Variants in NLRP9 observed in about 807,000 individuals in gnomAD.
NLRP9 encodes the protein NACHT, LRR and PYD domains-containing protein 9.
A neutral mutation model predicts 83.1 loss-of-function variants in NLRP9; 88 were observed. That is an observed-to-expected ratio of 1.06 (90% CI 0.89 to 1.26). The LOEUF is 1.26. Among genes scored for constraint, NLRP9 ranks in the 50% most tolerant of loss-of-function variants. NLRP9 has a pLI of 0.00. For missense variants in NLRP9, 1,308 were observed against 1,179.3 expected (o/e 1.11, Z -1.60); for synonymous variants, 521 against 447.6 (o/e 1.16, Z -2.07).
chr19:55,738,336 C>T lies in NLRP9; in HGVS notation c.39G>A (p.Trp13Ter), dbSNP rs1418978019. The change falls in exon 1 of 9, where the codon TGG (tryptophan) becomes TGA (stop). Residue 13 changes from tryptophan to a stop codon, truncating the protein, a stop_gained. Coordinates refer to ENST00000332836, the MANE Select transcript of NLRP9 (RefSeq NM_176820.4). LOFTEE classifies it high-confidence loss of function. ...CTTCCTTTCTGAGCTCCTTCAGATA[C>T]CACAACAAGCCAAAATCCGAAAAAA... ...ESFFSDFGLLWYLKELRKEEF... is the reference protein window; with the variant it reads ...ESFFSDFGLL 6.2e-7 allele frequency: 1 copy of T among 1,613,738 alleles called. No homozygotes were observed. The highest frequency in any genetic ancestry group is 1.1e-5 in the South Asian group (1 of 91,068).
At chr19:55,716,584 G>T in intron 5 of NLRP9, 144 bp downstream of exon 5, 1 of 650,292 alleles carries the variant, frequency 1.5e-6, no homozygotes. Flanking sequence ...ATGAGCAACT[G>T]AGGCGTGGGA....
At chr19:55,716,930 C>T (rs2122294050) in intron 4 of NLRP9, 32 bp from the exon 5 acceptor site, 1 of 1,585,554 alleles carries the variant, frequency 6.3e-7, no homozygotes, top group Non-Finnish European at 8.7e-7. Context: ...TGAGACGGAC[C>T]AAAGCTTTCA....
intron 3 of NLRP9, 147 bp downstream of exon 3, chr19:55,729,684 C>T (rs750171282): frequency 2.3e-5 from 14 of 603,114 alleles, no homozygotes; most frequent in Middle Eastern, 4.5e-4. Context: ...TGAATAGTGC[C>T]GCAATAAACA....
At position 55,712,421 on chromosome 19, in the gene NLRP9, C is replaced by G; in HGVS notation, c.2671G>C (p.Gly891Arg). 1 of 1,611,426 alleles carries G rather than the reference C, an allele frequency of 6.2e-7. No homozygotes were observed. The highest frequency in any genetic ancestry group is 8.5e-7 in the Non-Finnish European group (1 of 1,178,818). Residue 891 changes from glycine to arginine, a missense_variant and splice_region_variant, in exon 7 of 9, where the codon GGG becomes CGG. Physicochemically the swap from Gly to Arg is moderately radical, Grantham distance 125. Coordinates refer to ENST00000332836, the MANE Select transcript of NLRP9 (RefSeq NM_176820.4). ...CGATGGTGATCAGTAGATACTCACC[C>G]GAGACACTCTAATTTACAGTGAGGA... is the stretch of plus-strand genomic sequence containing the variant. ...QHPHCKLECL[G>R]LQTCPITRAC...
chr19:55,734,778 G>A (rs1433206504), intron 1 of NLRP9, among the ~76,000 whole-genome samples: 1 of 151,820 alleles, frequency 6.6e-6, no homozygotes, highest in African/African-American at 2.4e-5. Flanking sequence ...GGGATTACAG[G>A]CACCTGCCAC....
chr19:55,728,712 A>G (rs1325647854), intron 3 of NLRP9, among the ~76,000 whole-genome samples: 1 of 152,228 alleles, frequency 6.6e-6, no homozygotes, highest in Admixed American at 6.5e-5. Context: ...TATGTGGGCC[A>G]ATAATTCAAC....
chr19:55,734,637 A>ATT (rs201490500), intron 1 of NLRP9, among the ~76,000 whole-genome samples: 25 of 106,992 alleles, frequency 2.3e-4, no homozygotes, highest in African/African-American at 7.0e-4. Flanking sequence ...ATATATATAT[A>ATT]TTTTTTTTTT....
intron 2 of NLRP9, among the ~76,000 whole-genome samples, chr19:55,730,383 G>C (rs1048343646): frequency 2.6e-5 from 4 of 151,338 alleles, no homozygotes; most frequent in African/African-American, 9.7e-5. Context: ...GAACCCAGGA[G>C]TACAAGACTA....
At chr19:55,719,804 A>C (rs942724032) in intron 4 of NLRP9, among the ~76,000 whole-genome samples, 1 of 152,222 alleles carries the variant, frequency 6.6e-6, no homozygotes, top group Non-Finnish European at 1.5e-5. Context: ...CAGGAAGCTC[A>C]GTGAATTTTT....
At position 55,708,933 on chromosome 19, in the gene NLRP9, C is replaced by T; in HGVS notation, c.2955G>A (p.Lys985=). The T allele has an allele frequency of 6.4e-7, 1 of 1,566,404 alleles. No individual in the cohort carries two copies. Among genetic ancestry groups the T allele is most frequent in the Non-Finnish European group, 8.6e-7 (1 of 1,162,364 alleles). The change falls in exon 9 of 9, where the codon AAG becomes AAA. Residue 985 remains lysine (K), a synonymous_variant. Coordinates refer to ENST00000332836, the MANE Select transcript of NLRP9 (RefSeq NM_176820.4). ...SHGPWIDEEY[K]IRGVLL is the part of the protein sequence containing the mutation. ...CCCATCAGAGGAGCACACCCCTGATCTTGTATTCCTCGTCAATCCAAGGTC... is the reference window on the plus strand; with the variant it reads ...CCCATCAGAGGAGCACACCCCTGATTTTGTATTCCTCGTCAATCCAAGGTC...
chr19:55,722,040 C>T (rs1433406442), intron 4 of NLRP9, among the ~76,000 whole-genome samples: 2 of 152,172 alleles, frequency 1.3e-5, no homozygotes, highest in Non-Finnish European at 2.9e-5. Context: ...GCACCCTCCC[C>T]ACTCAACTGT....
chr19:55,734,104 T>C (rs986502926), intron 1 of NLRP9, among the ~76,000 whole-genome samples: 2 of 151,672 alleles, frequency 1.3e-5, no homozygotes, highest in Admixed American at 6.6e-5. Flanking sequence ...TTTGTATTTT[T>C]AGTAGAGACG....
chr19:55,719,389 G>C (rs1333073030), intron 4 of NLRP9, among the ~76,000 whole-genome samples: 3 of 152,172 alleles, frequency 2.0e-5, no homozygotes, highest in Non-Finnish European at 4.4e-5. Flanking sequence ...CTGAGCTCAA[G>C]TGATCTGCCC....
chr19:55,715,869 G>A (rs1987989015), intron 5 of NLRP9, among the ~76,000 whole-genome samples: 1 of 152,182 alleles, frequency 6.6e-6, no homozygotes, highest in African/African-American at 2.4e-5. Flanking sequence ...TTAACGGAAT[G>A]TACTGGACGA....
intron 3 of NLRP9, among the ~76,000 whole-genome samples, chr19:55,724,428 G>A (rs145230686): frequency 1.8e-4 from 27 of 152,156 alleles, no homozygotes; most frequent in African/African-American, 6.0e-4. Flanking sequence ...ATGTTAAACC[G>A]AGCCCCATGG....
chr19:55,733,135 T>C lies in NLRP9; in HGVS notation c.696A>G (p.Gln232=), dbSNP rs776887556. 7 of 1,614,178 alleles carry C rather than the reference T, an allele frequency of 4.3e-6. No homozygotes were observed. The South Asian group carries it at 7.7e-5, about 18-fold the overall frequency. The change falls in exon 2 of 9, where the codon CAA becomes CAG. Residue 232 remains glutamine (Q), a synonymous_variant. Coordinates refer to ENST00000332836, the MANE Select transcript of NLRP9 (RefSeq NM_176820.4). ...RILFIMDGFE[Q]LKFNLQLKAD... Reference sequence around the variant, plus strand: ...CCTTAAGTTGTAAGTTAAACTTCAGTTGCTCAAAGCCATCCATGATGAACA... The same window carrying C: ...CCTTAAGTTGTAAGTTAAACTTCAGCTGCTCAAAGCCATCCATGATGAACA...
At position 55,711,952 on chromosome 19, in the gene NLRP9, G is replaced by T; in HGVS notation, c.2691C>A (p.Ile897=). 6.2e-7 allele frequency: 1 copy of T among 1,612,932 alleles called. No individual in the cohort carries two copies. The change falls in exon 8 of 9, where the codon ATC becomes ATA. Residue 897 remains isoleucine (I), a synonymous_variant. Coordinates refer to ENST00000332836, the MANE Select transcript of NLRP9 (RefSeq NM_176820.4). ...CGATGTCGTCGCAGCAGGCACGGGTGATCGGACACGTTTGCAGCCTGCAAA... is the reference window on the plus strand; with the variant it reads ...CGATGTCGTCGCAGCAGGCACGGGTTATCGGACACGTTTGCAGCCTGCAAA... ...LECLGLQTCP[I]TRACCDDIAA... is the part of the protein sequence containing the mutation.
chr19:55,732,854 T>A lies in NLRP9; in HGVS notation c.977A>T (p.Asp326Val). ...GCACAAGATAAACAGCGGCCCATTATCTCTCACAAAATTGAAGACTTTCAG... is the reference window on the plus strand; with the variant it reads ...GCACAAGATAAACAGCGGCCCATTAACTCTCACAAAATTGAAGACTTTCAG... ...KALKVFNFVR[D>V]NGPLFILCHN... The change falls in exon 2 of 9, where the codon GAT becomes GTT. Residue 326 changes from aspartate to valine, a missense_variant. By Grantham distance (152) the Asp-to-Val change is radical (BLOSUM62 -3). Transcript: ENST00000332836. 2 of 1,614,108 alleles carry A rather than the reference T, an allele frequency of 1.2e-6. No individual in the cohort carries two copies. The highest frequency in any genetic ancestry group is 1.7e-6 in the Non-Finnish European group (2 of 1,180,012).
intron 8 of NLRP9, 72 bp downstream of exon 8, chr19:55,711,728 G>C (rs929450936): frequency 1.4e-6 from 2 of 1,455,294 alleles, no homozygotes; most frequent in African/African-American, 2.8e-5. Flanking sequence ...ATCATGTCGC[G>C]GTTGAGCAAA....
Sources: allele counts gnomAD v4.1 joint callset (sites outside exome capture counted in the v4.1 genomes callset), GRCh38; gene constraint gnomAD v4.1.1; transcripts MANE v1.5; gene names NCBI Gene and HGNC (gene_info 2026-07-23, HGNC 2026-07-21).